Variants in WDFY3 observed in about 807,000 individuals in gnomAD.
WDFY3 encodes the protein WD repeat and FYVE domain containing 3, also known as WD repeat and FYVE domain-containing protein 3.
In WDFY3, 66 loss-of-function variants were observed where a neutral mutation model predicts 409.6. The observed-to-expected ratio is 0.16, with a 90% CI of 0.13 to 0.20. WDFY3 has a LOEUF of 0.20. Among genes scored for constraint, WDFY3 ranks in the 10% least tolerant of loss-of-function variants. The pLI, the probability that WDFY3 is intolerant of heterozygous loss-of-function variation, is 1.00. For synonymous variants in WDFY3, 1,521 were observed against 1,537.1 expected, an observed-to-expected ratio of 0.99 and a Z score of 0.25; for missense variants, 3,031 against 4,298.1, an observed-to-expected ratio of 0.71 and a Z score of 8.24.
At chr4:84,860,151 G>C (rs1004971986) in intron 4 of WDFY3, among the ~76,000 whole-genome samples, 9 of 151,990 alleles carry the variant, frequency 5.9e-5, no homozygotes, top group African/African-American at 2.2e-4. Flanking sequence ...AACCATAACA[G>C]GGCCATTTTA....
Position 84,810,192 on chromosome 4 carries a change from T to C in WDFY3, c.2040A>G (p.Gln680=), listed in dbSNP as rs758603146. The C allele has an allele frequency of 6.2e-6, 10 of 1,614,160 alleles. No individual in the cohort carries two copies. The East Asian group carries it at 2.2e-4, about 36-fold the overall frequency. The change falls in exon 14 of 68, where the codon CAA becomes CAG. Residue 680 remains glutamine, a synonymous_variant. Transcript: ENST00000295888. The part of the protein sequence containing the change: ...KNGWEKVNQN[Q]VFELLHTVFC... The stretch of plus-strand genomic sequence containing the variant: ...ACACAGTGTGAAGAAGTTCAAACAC[T>C]TGATTCTGGTTCACTTTCTCCCAGC...
intron 2 of WDFY3, among the ~76,000 whole-genome samples, chr4:84,930,827 T>C (rs1195135671): frequency 6.6e-6 from 1 of 152,168 alleles, no homozygotes; most frequent in African/African-American, 2.4e-5. Context: ...GTAACACAGA[T>C]GAATGCAATA....
chr4:84,801,714 G>T lies in WDFY3; in HGVS notation c.2758C>A (p.His920Asn). Residue 920 changes from histidine to asparagine, a missense_variant, in exon 17 of 68, where the codon CAC becomes AAC. By Grantham distance (68) the His-to-Asn change is moderately conservative. This residue lies in a region of WDFY3 where 1,322 missense variants were observed against 1,697.9 expected (regional missense o/e 0.78). Coordinates refer to ENST00000295888, the MANE Select transcript of WDFY3 (RefSeq NM_014991.6). ...TCAAACATCCGCTGCAGGGGCGGGT[G>T]CAGTGAGTGGTCCTCATCAGCCAAT... ...AALADEDHSLHPPLQRMFERL... is the reference protein window; with the variant it reads ...AALADEDHSLNPPLQRMFERL... 1 of 1,612,570 alleles carries T rather than the reference G, an allele frequency of 6.2e-7. No homozygotes were observed. Among genetic ancestry groups the T allele is most frequent in the Non-Finnish European group, 8.5e-7 (1 of 1,179,682 alleles).
Position 84,686,865 on chromosome 4 carries a change from C to T in WDFY3, c.9543+1221G>A, listed in dbSNP as rs191823901. Among the ~76,000 whole-genome samples, 5 of 152,234 alleles carry T rather than the reference C, an allele frequency of 3.3e-5. No individual in the cohort carries two copies. In the South Asian group the frequency reaches 6.2e-4, roughly 19 times the overall value. On this transcript the variant is annotated intron_variant, in intron 62 of 67. Coordinates refer to ENST00000295888, the MANE Select transcript of WDFY3 (RefSeq NM_014991.6). The stretch of plus-strand genomic sequence containing the variant: ...TCTGTAAACCTGCCCTCAAGCTTCC[C>T]GTTTCAAGACCATCTTAGCAATGAA...
chr4:84,751,422 A>G (rs1740496864), intron 36 of WDFY3, 61 bp downstream of exon 36: 2 of 1,519,894 alleles, frequency 1.3e-6, no homozygotes, highest in Admixed American at 1.7e-5. Flanking sequence ...TTGTTTGGTT[A>G]CTAATGTTCT....
chr4:84,783,376 G>C (rs1006080490), intron 24 of WDFY3, among the ~76,000 whole-genome samples: 1 of 152,142 alleles, frequency 6.6e-6, no homozygotes, highest in African/African-American at 2.4e-5. Flanking sequence ...TTACTCAGGA[G>C]GCAGAGGTGG....
intron 2 of WDFY3, among the ~76,000 whole-genome samples, chr4:84,920,090 GGAGA>G (rs1486377536): frequency 6.6e-6 from 1 of 151,808 alleles, no homozygotes; most frequent in African/African-American, 2.4e-5. Context: ...TTCTGAAAAG[GGAGA>G]GAAAGGATGA....
At chr4:84,923,609 A>G (rs765090891) in intron 2 of WDFY3, among the ~76,000 whole-genome samples, 5 of 152,204 alleles carry the variant, frequency 3.3e-5, no homozygotes, top group Non-Finnish European at 5.9e-5. Context: ...TGCCTCTCCT[A>G]CAGGGGAAGA....
At chr4:84,850,078 A>C (rs2150108523) in intron 4 of WDFY3, 53 bp from the exon 5 acceptor site, 2 of 1,523,028 alleles carry the variant, frequency 1.3e-6, no homozygotes, top group East Asian at 2.4e-5. Flanking sequence ...TTTTCTTTTT[A>C]TTTTGTGAAT....
chr4:84,782,481 C>T (rs1430689123), intron 25 of WDFY3, among the ~76,000 whole-genome samples: 2 of 152,040 alleles, frequency 1.3e-5, no homozygotes, highest in Non-Finnish European at 2.9e-5. Flanking sequence ...AAACCTGTCA[C>T]CTAGGTATTA....
rs758219089 is a variant in WDFY3 at position 84,677,294 on chromosome 4, A to G, written c.10362T>C (p.Asp3454=). ...AGCCTGAGCAGCTGTCACCACCTTC[A>G]TCCTTCACCCAGTGATCAGCAGCAG... ...GRSAADHWVK[D]EGGDSCSGCS... is the part of the protein sequence containing the mutation. Residue 3454 remains aspartate (D), a synonymous_variant, in exon 67 of 68, where the codon GAT becomes GAC. Transcript: ENST00000295888. 1.9e-6 allele frequency: 3 copies of G among 1,614,202 alleles called. No homozygotes were observed. The Admixed American group carries it at 5.0e-5, about 27-fold the overall frequency.
At chr4:84,941,415 T>A (rs529715064) in intron 1 of WDFY3, among the ~76,000 whole-genome samples, 1 of 152,108 alleles carries the variant, frequency 6.6e-6, no homozygotes, top group Admixed American at 6.5e-5. Flanking sequence ...ACACATGAAA[T>A]GCTGAGGAGT....
At chr4:84,921,752 G>T (rs1295543092) in intron 2 of WDFY3, among the ~76,000 whole-genome samples, 1 of 146,400 alleles carries the variant, frequency 6.8e-6, no homozygotes, top group Non-Finnish European at 1.5e-5. Flanking sequence ...CCACCTCCTG[G>T]GTTCAAGCAA....
At chr4:84,904,658 A>G (rs1239716656) in intron 2 of WDFY3, among the ~76,000 whole-genome samples, 1 of 152,240 alleles carries the variant, frequency 6.6e-6, no homozygotes, top group Non-Finnish European at 1.5e-5. Context: ...TTACAAAGCA[A>G]GCAAAATGTG....
At chr4:84,917,654 T>C (rs1466464722) in intron 2 of WDFY3, among the ~76,000 whole-genome samples, 1 of 152,034 alleles carries the variant, frequency 6.6e-6, no homozygotes, top group African/African-American at 2.4e-5. Flanking sequence ...TTCAAACTCT[T>C]TATGTTTTTT....
At chr4:84,923,599 T>C (rs758978510) in intron 2 of WDFY3, among the ~76,000 whole-genome samples, 2 of 152,182 alleles carry the variant, frequency 1.3e-5, no homozygotes, top group Non-Finnish European at 2.9e-5. Context: ...GGTGAAATTT[T>C]GCCTCTCCTA....
intron 10 of WDFY3, among the ~76,000 whole-genome samples, chr4:84,821,997 T>C (rs1489609957): frequency 6.6e-6 from 1 of 152,160 alleles, no homozygotes; most frequent in East Asian, 1.9e-4. Context: ...GGGAAAATTT[T>C]TCTAAATTCC....
At chr4:84,747,519 G>A (rs1739684080) in intron 36 of WDFY3, among the ~76,000 whole-genome samples, 1 of 152,108 alleles carries the variant, frequency 6.6e-6, no homozygotes, top group Non-Finnish European at 1.5e-5. Context: ...AAGATGGTTG[G>A]CATAGAGTCC....
chr4:84,817,620 C>T, intron 12 of WDFY3, 35 bp from the exon 13 acceptor site: 8 of 1,543,396 alleles, frequency 5.2e-6, no homozygotes, highest in Non-Finnish European at 7.0e-6. Flanking sequence ...ACAATGGCTA[C>T]TTTAAAATAT....
Sources: allele counts gnomAD v4.1 joint callset (sites outside exome capture counted in the v4.1 genomes callset), GRCh38; gene constraint gnomAD v4.1.1; regional missense constraint gnomAD v4.1.1; transcripts MANE v1.5; gene names NCBI Gene and HGNC (gene_info 2026-07-23, HGNC 2026-07-21).